GSN: variants seen among roughly 807,000 people sequenced by gnomAD.
GSN encodes the protein actin-depolymerizing factor.
GSN carries 56 observed loss-of-function variants against 85.7 expected under a neutral mutation model. That is an observed-to-expected ratio of 0.65 (90% CI 0.53 to 0.82). The LOEUF (loss-of-function observed/expected upper bound fraction) is 0.82, where lower values mean the gene tolerates loss of function less well. Among genes scored for constraint, GSN ranks in the 40% least tolerant of loss-of-function variants. The pLI is 0.00. For missense variants in GSN, 857 were observed against 979.8 expected (o/e 0.87, Z 1.67); for synonymous variants, 373 against 399.1 (o/e 0.93, Z 0.78).
chr9:121,289,162 T>A (rs953503628), intron 2 of GSN, among the ~76,000 whole-genome samples: 2 of 150,950 alleles, frequency 1.3e-5, no homozygotes, highest in Non-Finnish European at 1.5e-5. Context: ...GGCAGTCTGT[T>A]TTTTTTTTCT....
chr9:121,282,435 A>G, intron 2 of GSN: 4 of 1,291,122 alleles, frequency 3.1e-6, no homozygotes, highest in Non-Finnish European at 4.0e-6. Flanking sequence ...TTTTCTGCCA[A>G]AAGGAGAAGG....
rs565747832 is a variant in GSN at position 121,223,795 on chromosome 9, G to A, written c.-527-7370G>A. On this transcript the variant is annotated intron_variant, in intron 4 of 24. Coordinates refer to the GSN transcript ENST00000373823. ...GTGCCTCAGCCTCCCGAGTAGCTGG[G>A]ATTACAGGCGTGTGCCACCACGCCG... Among the ~76,000 whole-genome samples, 216 of 152,138 alleles carry A rather than the reference G, an allele frequency of 1.4e-3. 6 individuals are homozygous for A. The highest frequency in any genetic ancestry group is 3.4e-3 in the Middle Eastern group (1 of 294).
At chr9:121,248,159 G>A (rs537450877) in intron 5 of GSN, 5 of 151,612 alleles carry the variant, frequency 3.3e-5, no homozygotes, top group Admixed American at 3.3e-4. Context: ...GAAAACAATT[G>A]TTATAACTTC....
chr9:121,326,456 GA>G, intron 12 of GSN, 55 bp from the exon 13 acceptor site: 1 of 1,440,482 alleles, frequency 6.9e-7, no homozygotes, highest in Non-Finnish European at 9.7e-7. Flanking sequence ...GTGCGACATA[GA>G]AGGACTGAAG....
chr9:121,267,864 C>A (rs1193954311), upstream of GSN, among the ~76,000 whole-genome samples: 1 of 152,224 alleles, frequency 6.6e-6, no homozygotes, highest in Non-Finnish European at 1.5e-5. Flanking sequence ...CAGCCCAGCT[C>A]AGGAGCTGCC....
chr9:121,263,195 G>A (rs558953482), upstream of GSN, among the ~76,000 whole-genome samples: 4 of 152,292 alleles, frequency 2.6e-5, no homozygotes, highest in South Asian at 8.3e-4. Context: ...TCTCCATGGT[G>A]TAAATATTCC....
chr9:121,212,519 C>T (rs2132076853), intron 4 of GSN, among the ~76,000 whole-genome samples: 1 of 152,326 alleles, frequency 6.6e-6, no homozygotes, highest in Admixed American at 6.5e-5. Flanking sequence ...TGACTCTGGG[C>T]ATTGCTTCAG....
chr9:121,231,130 C>T (rs1402313241), intron 4 of GSN: 2 of 152,228 alleles, frequency 1.3e-5, no homozygotes, highest in Non-Finnish European at 2.9e-5. Flanking sequence ...TTCCATCAGG[C>T]ACTCTCTGAC....
chr9:121,216,040 C>G (rs576236687), intron 4 of GSN, among the ~76,000 whole-genome samples: 3 of 152,192 alleles, frequency 2.0e-5, no homozygotes, highest in South Asian at 4.1e-4. Context: ...TCACTGTAGC[C>G]TCTGCCTCCC....
intron 16 of GSN, among the ~76,000 whole-genome samples, chr9:121,330,806 G>A (rs935088878): frequency 2.0e-5 from 3 of 151,856 alleles, no homozygotes; most frequent in African/African-American, 7.3e-5. Context: ...CACACAGACC[G>A]GCACATAGTA....
chr9:121,306,857 G>T (rs546630671), intron 4 of GSN, among the ~76,000 whole-genome samples: 1 of 152,194 alleles, frequency 6.6e-6, no homozygotes, highest in Non-Finnish European at 1.5e-5. Context: ...TAATCAGGCA[G>T]CTCATGGCTG....
At chr9:121,282,033 G>A (rs2057443483) in intron 2 of GSN, 2 of 475,700 alleles carry the variant, frequency 4.2e-6, no homozygotes, top group South Asian at 3.1e-5. Flanking sequence ...GTGAGTCATG[G>A]GGAAGCGGAT....
At chr9:121,239,141 C>A in intron 5 of GSN, 1 of 348,418 alleles carries the variant, frequency 2.9e-6, no homozygotes, top group South Asian at 2.3e-5. Flanking sequence ...TATATAGTGG[C>A]TAAGTCTGTA....
chr9:121,286,842 G>A, intron 2 of GSN: 1 of 1,161,320 alleles, frequency 8.6e-7, no homozygotes, highest in South Asian at 1.3e-5. Flanking sequence ...TCCTAATGGT[G>A]TAACCTTGGG....
At position 121,332,755 on chromosome 9, in the gene GSN, A is replaced by G. The variant is rs2134002963; in HGVS notation, c.*152A>G. 3 of 621,620 alleles carry G rather than the reference A, an allele frequency of 4.8e-6. No homozygotes were observed. The East Asian group carries it at 8.3e-5, about 17-fold the overall frequency. The allele number at this position is 621,620 out of a possible 1,614,324, so 38.5% of individuals were successfully genotyped here. ...TTTTTTTTTTACAGTATCCAAAAATAGCCCTGCAAAAATTCAGAGTCCTTG... is the reference window on the plus strand; with the variant it reads ...TTTTTTTTTTACAGTATCCAAAAATGGCCCTGCAAAAATTCAGAGTCCTTG... On this transcript the variant is annotated 3_prime_UTR_variant, in exon 18 of 18. Transcript: ENST00000432226. This position sits in a 1 kb window ranked among gnomAD's most constrained non-coding sequence, Gnocchi z 4.8.
chr9:121,300,123 C>T (rs913221551), intron 2 of GSN: 1 of 1,605,158 alleles, frequency 6.2e-7, no homozygotes, highest in African/African-American at 1.3e-5. Context: ...TGTTTTGTTG[C>T]TTTGTAAGTA....
At chr9:121,264,829 C>G (rs78615008), upstream of GSN, among the ~76,000 whole-genome samples, 1 of 152,166 alleles carries the variant, frequency 6.6e-6, no homozygotes, top group Admixed American at 6.5e-5. Flanking sequence ...CCCTGTCACT[C>G]GGGCCAGAGT....
Position 121,327,475 on chromosome 9 carries a change from C to G in GSN, c.1755C>G (p.Ser585Arg). ...RAQPVQVAEG[S>R]EPDGFWEALG... ...AACCTGTGCAGGTGGCAGAAGGCAGCGAGCCAGGTAGGAGCCGGGGTGGGG... is the reference window on the plus strand; with the variant it reads ...AACCTGTGCAGGTGGCAGAAGGCAGGGAGCCAGGTAGGAGCCGGGGTGGGG... The change falls in exon 14 of 18, where the codon AGC (serine) becomes AGG (arginine). Residue 585 changes from serine (S) to arginine (R), a missense_variant. Transcript: ENST00000432226. 2 of 1,573,046 alleles carry G rather than the reference C, an allele frequency of 1.3e-6. No individual in the cohort carries two copies. The highest frequency in any genetic ancestry group is 1.3e-5 in the African/African-American group (1 of 74,324).
At chr9:121,300,720 A>G (rs573557641) in intron 2 of GSN, among the ~76,000 whole-genome samples, 1 of 152,298 alleles carries the variant, frequency 6.6e-6, no homozygotes, top group East Asian at 1.9e-4. Flanking sequence ...AGCCTCCTGC[A>G]GACCCTGGTG....
Sources: allele counts gnomAD v4.1 joint callset (sites outside exome capture counted in the v4.1 genomes callset), GRCh38; gene constraint gnomAD v4.1.1; non-coding constraint Gnocchi (gnomAD v3.1); transcripts MANE v1.5; gene names NCBI Gene and HGNC (gene_info 2026-07-23, HGNC 2026-07-21).